CPA1: variants seen among roughly 807,000 people sequenced by gnomAD.
The protein encoded by CPA1 is carboxypeptidase A1 (pancreatic).
CPA1 carries 42 observed loss-of-function variants against 48.7 expected under a neutral mutation model. That is an observed-to-expected ratio of 0.86 (90% confidence interval 0.67 to 1.11). CPA1 has a LOEUF of 1.11. CPA1 is among the 50% of genes most tolerant of loss of function. The pLI is 0.00. For missense variants in CPA1, 477 were observed against 544.7 expected, an observed-to-expected ratio of 0.88 and a Z score of 1.24; for synonymous variants, 203 against 217.9, an observed-to-expected ratio of 0.93 and a Z score of 0.60.
rs1796451258 is a variant in CPA1 at position 130,384,712 on chromosome 7, C to T, written c.787+86C>T. On this transcript the variant is annotated intron_variant, in intron 7 of 9. Coordinates refer to ENST00000011292, the MANE Select transcript of CPA1 (RefSeq NM_001868.4). ...GCTCTTGCTCCCCGCCTCTCTCCTG[C>T]CCCTGCAGTGAGGGGAGGGTTGGGG... 12 of 1,159,328 alleles carry T rather than the reference C, an allele frequency of 1.0e-5. No homozygotes were observed. In the South Asian group the frequency reaches 1.4e-4, roughly 13 times the overall value. The allele number at this position is 1,159,328 out of a possible 1,614,324, so 71.8% of individuals were successfully genotyped here.
At position 130,387,775 on chromosome 7, in the gene CPA1, T is replaced by G; in HGVS notation, c.1073-49T>G. 6.4e-7 allele frequency: 1 copy of G among 1,562,806 alleles called. No individual in the cohort carries two copies. ...GGATCGTTAACCCAACCCGTGTAAA[T>G]ATTCCCAAAGTGATTGACCCTTTCT... On this transcript the variant is annotated intron_variant, in intron 9 of 9. Transcript: ENST00000011292. This position sits in a 1 kb window ranked among gnomAD's most constrained non-coding sequence, Gnocchi z 4.6.
intron 8 of CPA1, 61 bp downstream of exon 8, chr7:130,385,406 T>C (rs782322894): frequency 1.6e-4 from 232 of 1,494,400 alleles, no homozygotes; most frequent in Non-Finnish European, 2.1e-4. Flanking sequence ...GGCCCAGGCT[T>C]TCCCCCATCA....
chr7:130,386,128 C>T (rs1796471651), intron 9 of CPA1: 2 of 542,202 alleles, frequency 3.7e-6, no homozygotes, highest in South Asian at 5.5e-5. Flanking sequence ...AATGTGAATT[C>T]CTCTGACAGC....
Position 130,381,103 on chromosome 7 carries a change from A to T in CPA1, c.71A>T (p.Gln24Leu), listed in dbSNP as rs1584850133. The change falls in exon 2 of 10, where the codon CAG (glutamine) becomes CTG (leucine). Residue 24 changes from glutamine to leucine, a missense_variant. Gln to Leu is a moderately radical substitution (Grantham distance 113). Coordinates refer to ENST00000011292, the MANE Select transcript of CPA1 (RefSeq NM_001868.4). ...VFGKEDFVGHQVLRISVADEA... is the reference protein window; with the variant it reads ...VFGKEDFVGHLVLRISVADEA... ...CCCACTCCCACTCTGCCCAGGCATC[A>T]GGTGCTCCGAATCTCTGTAGCCGAT... is the stretch of plus-strand genomic sequence containing the variant. 6.2e-7 allele frequency: 1 copy of T among 1,613,186 alleles called. No individual in the cohort carries two copies. Among genetic ancestry groups the T allele is most frequent in the Non-Finnish European group, 8.5e-7 (1 of 1,179,638 alleles).
At chr7:130,382,607 G>A (rs1176618776) in intron 4 of CPA1, among the ~76,000 whole-genome samples, 6 of 147,994 alleles carry the variant, frequency 4.1e-5, no homozygotes, top group African/African-American at 1.5e-4. Flanking sequence ...GAGACTACAA[G>A]CACGTGCCAC....
At position 130,382,758 on chromosome 7, in the gene CPA1, C is replaced by T. The variant is rs139627220; in HGVS notation, c.483+549C>T. On this transcript the variant is annotated intron_variant, in intron 4 of 9. Transcript: ENST00000011292. ...TCCTGGGTTCAAGCGATTCCCCTGC[C>T]TCAGCCTCCCAAGTAGCTGGGATTA... 7.2e-3 allele frequency among the ~76,000 whole-genome samples: 1,094 copies of T among 151,924 alleles called. 11 individuals carry two copies. Among genetic ancestry groups the T allele is most frequent in the Non-Finnish European group, 0.011 (765 of 67,962 alleles).
At chr7:130,383,308 C>G in intron 4 of CPA1, 83 bp from the exon 5 acceptor site, 1 of 1,060,400 alleles carries the variant, frequency 9.4e-7, no homozygotes, top group Non-Finnish European at 1.4e-6. Flanking sequence ...GGTCTCTGGC[C>G]CAGGTCGGGG....
rs1236285948 is a variant in CPA1, at chr7:130,382,138, G to A, written c.412G>A (p.Glu138Lys). The A allele has an allele frequency of 5.0e-6, 8 of 1,614,100 alleles. No individual in the cohort carries two copies. The highest frequency in any genetic ancestry group is 1.1e-5 in the South Asian group (1 of 91,088). The change falls in exon 4 of 10, where the codon GAG (glutamate) becomes AAG (lysine). Residue 138 changes from glutamate (E) to lysine (K), a missense_variant. Glu to Lys is a moderately conservative substitution (Grantham distance 56). Transcript: ENST00000011292. Reference sequence around the variant, plus strand: ...TGACTTCCTGGACCTGCTGGTGGCGGAGAACCCGCACCTTGTCAGCAAGAT... The same window carrying A: ...TGACTTCCTGGACCTGCTGGTGGCGAAGAACCCGCACCTTGTCAGCAAGAT... ...IYDFLDLLVA[E>K]NPHLVSKIQI...
At chr7:130,384,849 C>T in intron 7 of CPA1, 1 of 609,542 alleles carries the variant, frequency 1.6e-6, no homozygotes, top group South Asian at 2.0e-5. Flanking sequence ...GTCTGAAATC[C>T]TACCTAGGGG....
intron 9 of CPA1, among the ~76,000 whole-genome samples, chr7:130,386,868 C>A (rs1036110645): frequency 1.3e-5 from 2 of 152,090 alleles, no homozygotes; most frequent in African/African-American, 4.8e-5. Flanking sequence ...GAATCGGGAA[C>A]ACTGGGGGTG....
chr7:130,381,149 G>A lies in CPA1; in HGVS notation c.117G>A (p.Val39=). Residue 39 remains valine (V), a synonymous_variant, in exon 2 of 10, where the codon GTG becomes GTA. Coordinates refer to ENST00000011292, the MANE Select transcript of CPA1 (RefSeq NM_001868.4). ...CCGATGAGGCCCAGGTACAGAAGGT[G>A]AAGGAGCTGGAGGACCTGGAGCACC... ...SVADEAQVQK[V]KELEDLEHLQ... 1.2e-6 allele frequency: 2 copies of A among 1,613,586 alleles called. No homozygotes were observed. Among genetic ancestry groups the A allele is most frequent in the Non-Finnish European group, 1.7e-6 (2 of 1,179,786 alleles).
Position 130,383,717 on chromosome 7 carries a change from A to T in CPA1, c.619A>T (p.Thr207Ser). 6.2e-7 allele frequency: 1 copy of T among 1,614,046 alleles called. No individual in the cohort carries two copies. The highest frequency in any genetic ancestry group is 8.5e-7 in the Non-Finnish European group (1 of 1,179,974). Residue 207 changes from threonine (T) to serine (S), a missense_variant, in exon 6 of 10, where the codon ACC becomes TCC. Transcript: ENST00000011292. The stretch of plus-strand genomic sequence containing the variant: ...AGACTACGGGCAGGATGCAGCTTTC[A>T]CCGCCATTCTCGACACCTTGGACAT... ...TQDYGQDAAF[T>S]AILDTLDIFL...
chr7:130,385,162 T>C lies in CPA1; in HGVS notation c.804T>C (p.Ser268=). 1 of 1,614,172 alleles carries C rather than the reference T, an allele frequency of 6.2e-7. No homozygotes were observed. The highest frequency in any genetic ancestry group is 8.5e-7 in the Non-Finnish European group (1 of 1,180,028). ...CCCCCACAGTGTCCGGAGCCAGCAG[T>C]AACCCCTGCTCGGAGACTTACCACG... ...DAGFGLSGAS[S]NPCSETYHGK... is the part of the protein sequence containing the mutation. Residue 268 remains serine, a synonymous_variant, in exon 8 of 10, where the codon AGT becomes AGC. Coordinates refer to ENST00000011292, the MANE Select transcript of CPA1 (RefSeq NM_001868.4).
chr7:130,381,928 G>A (rs1796411680), intron 3 of CPA1, 65 bp downstream of exon 3: 2 of 1,490,132 alleles, frequency 1.3e-6, no homozygotes, highest in Admixed American at 1.8e-5. Context: ...GGTAGAACGC[G>A]GTAGGGCCAA....
Position 130,385,308 on chromosome 7 carries a change from G to T in CPA1, c.950G>T (p.Gly317Val). Residue 317 changes from glycine to valine, a missense_variant, in exon 8 of 10, where the codon GGC becomes GTC. Physicochemically the swap from Gly to Val is moderately radical, Grantham distance 109. Transcript: ENST00000011292. The part of the protein sequence containing the change: ...SYSQLLMYPY[G>V]YKTEPVPDQD... ...TCCCAGCTCCTCATGTATCCCTATG[G>T]CTACAAAACAGAACCAGTCCCTGAC... The T allele has an allele frequency of 6.2e-7, 1 of 1,614,132 alleles. No homozygotes were observed. The highest frequency in any genetic ancestry group is 8.5e-7 in the Non-Finnish European group (1 of 1,180,024).
intron 4 of CPA1, 79 bp downstream of exon 4, chr7:130,382,288 G>A: frequency 9.1e-7 from 1 of 1,093,842 alleles, no homozygotes; most frequent in South Asian, 1.3e-5. Flanking sequence ...CTCTCCCGGG[G>A]AAATCATGGT....
Position 130,384,601 on chromosome 7 carries a change from C to A in CPA1, c.762C>A (p.Asn254Lys), listed in dbSNP as rs1554411739. 2 of 1,614,208 alleles carry A rather than the reference C, an allele frequency of 1.2e-6. No individual in the cohort carries two copies. The highest frequency in any genetic ancestry group is 1.7e-6 in the Non-Finnish European group (2 of 1,180,026). Residue 254 changes from asparagine to lysine, a missense_variant, in exon 7 of 10, where the codon AAC becomes AAA. Physicochemically the swap from Asn to Lys is moderately conservative, Grantham distance 94 (BLOSUM62 0). Coordinates refer to ENST00000011292, the MANE Select transcript of CPA1 (RefSeq NM_001868.4). Reference sequence around the variant, plus strand: ...CCCTCTGTATTGGCGTGGACCCCAACAGGAACTGGGACGCTGGCTTTGGGT... The same window carrying A: ...CCCTCTGTATTGGCGTGGACCCCAAAAGGAACTGGGACGCTGGCTTTGGGT... Reference protein sequence around the residue: ...AGSLCIGVDPNRNWDAGFGLS... With the variant: ...AGSLCIGVDPKRNWDAGFGLS...
In CPA1 at chr7:130,387,925, C is replaced by A; in HGVS notation, c.1174C>A (p.Pro392Thr). 6.2e-7 allele frequency: 1 copy of A among 1,614,186 alleles called. No individual in the cohort carries two copies. The stretch of plus-strand genomic sequence containing the variant: ...CACTGGGCGCTATGGCTTCCTGCTG[C>A]CAGCCTCCCAGATCATCCCCACAGC... ...RDTGRYGFLL[P>T]ASQIIPTAKE... Residue 392 changes from proline to threonine, a missense_variant, in exon 10 of 10, where the codon CCA becomes ACA. Pro to Thr is a conservative substitution (Grantham distance 38). Transcript: ENST00000011292. The surrounding 1 kb of genome is among the most constrained non-coding windows in gnomAD (Gnocchi z 4.6).
At position 130,382,273 on chromosome 7, in the gene CPA1, G is replaced by A. The variant is rs530351738; in HGVS notation, c.483+64G>A. The stretch of plus-strand genomic sequence containing the variant: ...CCCACACGTGGCATCCGTGATGGGC[G>A]TGGGCTCTCCCGGGGAAATCATGGT... On this transcript the variant is annotated intron_variant, in intron 4 of 9. Coordinates refer to ENST00000011292, the MANE Select transcript of CPA1 (RefSeq NM_001868.4). The A allele has an allele frequency of 2.8e-4, 348 of 1,263,806 alleles. 1 individual carries two copies. The African/African-American group carries it at 4.0e-3, about 15-fold the overall frequency. The allele number at this position is 1,263,806 out of a possible 1,614,324, so 78.3% of individuals were successfully genotyped here.
Sources: gnomAD v4.1 joint callset for allele counts (sites outside exome capture counted in the v4.1 genomes callset) on GRCh38, gnomAD v4.1.1 for gene constraint, Gnocchi (gnomAD v3.1) non-coding constraint, MANE v1.5 for transcripts, NCBI Gene and HGNC (gene_info 2026-07-23, HGNC 2026-07-21) for gene names.